The following GRIK4 variants were observed in gnomAD, a reference collection of about 807,000 sequenced individuals.
GRIK4 encodes the protein glutamate ionotropic receptor kainate type subunit 4.
GRIK4 carries 40 observed loss-of-function variants against 104.9 expected under a neutral mutation model. That is an observed-to-expected ratio of 0.38 (90% CI 0.30 to 0.50). The LOEUF (loss-of-function observed/expected upper bound fraction) is 0.50, where lower values mean the gene tolerates loss of function less well. Among genes scored for constraint, GRIK4 ranks in the 20% least tolerant of loss-of-function variants. The probability of loss-of-function intolerance (pLI) is 0.93; values close to 1 mark genes in which losing one functional copy is unlikely to be tolerated. For missense variants in GRIK4, 1,047 were observed against 1,308.1 expected (o/e 0.80, Z 3.08); for synonymous variants, 485 against 524.9 (o/e 0.92, Z 1.04).
chr11:120,631,147 C>T (rs1037855803), intron 1 of GRIK4, among the ~76,000 whole-genome samples: 2 of 152,258 alleles, frequency 1.3e-5, no homozygotes, highest in African/African-American at 4.8e-5. Context: ...CCGGCTGCTA[C>T]GCAGCACTCA....
chr11:120,823,829 A>T (rs1399169870), intron 6 of GRIK4, among the ~76,000 whole-genome samples: 1 of 152,238 alleles, frequency 6.6e-6, no homozygotes, highest in Non-Finnish European at 1.5e-5. Flanking sequence ...TGGCAGGCAC[A>T]CAACACAGAG....
At chr11:120,834,185 T>G (rs548960392) in intron 7 of GRIK4, among the ~76,000 whole-genome samples, 1 of 152,284 alleles carries the variant, frequency 6.6e-6, no homozygotes, top group Admixed American at 6.5e-5. Context: ...TGTAACAGTT[T>G]ACACTTTCGC....
intron 13 of GRIK4, among the ~76,000 whole-genome samples, chr11:120,935,038 C>T (rs1943566541): frequency 6.6e-6 from 1 of 152,196 alleles, no homozygotes; most frequent in Non-Finnish European, 1.5e-5. Flanking sequence ...TCAGTTTCCT[C>T]CTCAGAGCGT....
At chr11:120,889,183 A>G (rs1955202380) in intron 11 of GRIK4, among the ~76,000 whole-genome samples, 1 of 152,166 alleles carries the variant, frequency 6.6e-6, no homozygotes, top group Non-Finnish European at 1.5e-5. Flanking sequence ...TGAAACTTTT[A>G]TGATTGGAGA....
chr11:120,780,738 T>G (rs867063436), intron 3 of GRIK4, among the ~76,000 whole-genome samples: 1 of 152,106 alleles, frequency 6.6e-6, no homozygotes, highest in South Asian at 2.1e-4. Flanking sequence ...GTTTGTTTGT[T>G]GTTTTTTTTG....
At chr11:120,823,287 A>G (rs767410750) in intron 6 of GRIK4, among the ~76,000 whole-genome samples, 5 of 152,226 alleles carry the variant, frequency 3.3e-5, no homozygotes, top group Non-Finnish European at 7.3e-5. Context: ...TTTGGGAAAC[A>G]GGTTGCTCAG....
At chr11:120,707,569 C>T (rs1950651652) in intron 3 of GRIK4, among the ~76,000 whole-genome samples, 1 of 152,232 alleles carries the variant, frequency 6.6e-6, no homozygotes, top group Non-Finnish European at 1.5e-5. Context: ...TTGTCTATTA[C>T]TCTATAACAA....
At chr11:120,688,500 G>A (rs1950308090) in intron 3 of GRIK4, among the ~76,000 whole-genome samples, 1 of 152,210 alleles carries the variant, frequency 6.6e-6, no homozygotes, top group Non-Finnish European at 1.5e-5. Flanking sequence ...GGATGGGAGT[G>A]TAACTGTGGG....
At chr11:120,565,220 A>G (rs924361633) in intron 1 of GRIK4, among the ~76,000 whole-genome samples, 4 of 152,290 alleles carry the variant, frequency 2.6e-5, no homozygotes, top group Admixed American at 2.6e-4. Flanking sequence ...ACTGCCTGCC[A>G]TGTCGCCACC....
intron 3 of GRIK4, among the ~76,000 whole-genome samples, chr11:120,791,945 CA>C (rs1476291508): frequency 2.0e-5 from 3 of 152,090 alleles, no homozygotes; most frequent in African/African-American, 7.2e-5. Context: ...CCTCAAAAGC[CA>C]AGACAAGTTT....
chr11:120,523,117 A>G (rs1947814919), intron 1 of GRIK4, among the ~76,000 whole-genome samples: 1 of 149,798 alleles, frequency 6.7e-6, no homozygotes, highest in African/African-American at 2.5e-5. Context: ...CAGGGGGCCA[A>G]AATTTCAGCT....
chr11:120,909,346 T>G (rs557492204), intron 13 of GRIK4, among the ~76,000 whole-genome samples: 10 of 152,338 alleles, frequency 6.6e-5, no homozygotes, highest in African/African-American at 2.4e-4. Context: ...CCTTTTCTTG[T>G]TCAAGAAGTA....
chr11:120,517,694 CA>C (rs1246886750), intron 1 of GRIK4, among the ~76,000 whole-genome samples: 2 of 152,132 alleles, frequency 1.3e-5, no homozygotes, highest in African/African-American at 4.8e-5. Flanking sequence ...GCCCTATAAA[CA>C]AAGGCATAGA....
At chr11:120,519,863 TG>T (rs1473799124) in intron 1 of GRIK4, among the ~76,000 whole-genome samples, 2 of 132,896 alleles carry the variant, frequency 1.5e-5, no homozygotes, top group Admixed American at 7.7e-5. Flanking sequence ...ACCTCACTAC[TG>T]GTTTTTTTTT....
intron 5 of GRIK4, among the ~76,000 whole-genome samples, chr11:120,816,547 G>C (rs1952965890): frequency 6.6e-6 from 1 of 152,064 alleles, no homozygotes; most frequent in Non-Finnish European, 1.5e-5. Context: ...GGAGGGACTG[G>C]ATGCCTCCTC....
chr11:120,827,489 G>C (rs866962936), intron 6 of GRIK4, among the ~76,000 whole-genome samples: 1 of 152,260 alleles, frequency 6.6e-6, no homozygotes, highest in African/African-American at 2.4e-5. Flanking sequence ...GGAGAGGAGG[G>C]TGGGGGTGGA....
intron 3 of GRIK4, among the ~76,000 whole-genome samples, chr11:120,732,141 G>GT (rs958362755): frequency 2.2e-4 from 33 of 151,036 alleles, no homozygotes; most frequent in Middle Eastern, 3.2e-3. Context: ...TTTGTTTTTT[G>GT]TTTTTTTTCT....
At chr11:120,557,477 C>G (rs150098848) in intron 1 of GRIK4, among the ~76,000 whole-genome samples, 23 of 152,330 alleles carry the variant, frequency 1.5e-4, no homozygotes, top group African/African-American at 5.3e-4. Flanking sequence ...TCAGCCAAGA[C>G]AATCTGAATT....
At chr11:120,722,924 A>G (rs1222077893) in intron 3 of GRIK4, among the ~76,000 whole-genome samples, 1 of 152,160 alleles carries the variant, frequency 6.6e-6, no homozygotes, top group African/African-American at 2.4e-5. Context: ...TGTTTTCCTT[A>G]ATGAAGTTTA....
Sources: gnomAD v4.1 joint callset for allele counts (sites outside exome capture counted in the v4.1 genomes callset) on GRCh38, gnomAD v4.1.1 for gene constraint, MANE v1.5 for transcripts, NCBI Gene and HGNC (gene_info 2026-07-23, HGNC 2026-07-21) for gene names.